ATF7: variants seen among roughly 807,000 people sequenced by gnomAD.
The protein encoded by ATF7 is activating transcription factor 7, also known as cyclic AMP-dependent transcription factor ATF-7.
ATF7 carries 10 observed loss-of-function variants against 50.4 expected under a neutral mutation model. That is an observed-to-expected ratio of 0.20 (90% confidence interval 0.12 to 0.34). The LOEUF is 0.34. Ranked by LOEUF, ATF7 falls within the 10% of genes least tolerant of loss-of-function variation. The probability of loss-of-function intolerance (pLI) is 1.00; values close to 1 mark genes in which losing one functional copy is unlikely to be tolerated. For missense variants in ATF7, 465 were observed against 613.9 expected (o/e 0.76, Z 2.56); for synonymous variants, 201 against 226.4 (o/e 0.89, Z 1.01).
intron 2 of ATF7, among the ~76,000 whole-genome samples, chr12:53,570,729 C>CTGTG (rs1278665964): frequency 8.8e-6 from 1 of 114,074 alleles, no homozygotes; most frequent in East Asian, 3.7e-4. Context: ...TAGTGTTCTC[C>CTGTG]TGTGTGCGTG....
chr12:53,544,519 G>C (rs1330338981), intron 3 of ATF7, among the ~76,000 whole-genome samples: 2 of 152,128 alleles, frequency 1.3e-5, no homozygotes, highest in Non-Finnish European at 2.9e-5. Flanking sequence ...GGCTGAGATG[G>C]GTGTATCACT....
At chr12:53,518,587 T>C (rs1436119863) in intron 11 of ATF7, among the ~76,000 whole-genome samples, 1 of 152,180 alleles carries the variant, frequency 6.6e-6, no homozygotes, top group East Asian at 1.9e-4. Context: ...ACTCCCAAAT[T>C]GCCGGGATTA....
In ATF7 at chr12:53,526,203, G is replaced by A. The variant is rs1167273120; in HGVS notation, c.928-1442C>T. ...AGCCTGGATAACAAGAGTGAAACTC[G>A]GTCTCAAAAAAAAAAAAAAAAAAGT... is the stretch of plus-strand genomic sequence containing the variant. On this transcript the variant is annotated intron_variant, in intron 9 of 11. Coordinates refer to ENST00000420353, the MANE Select transcript of ATF7 (RefSeq NM_006856.3). Among the ~76,000 whole-genome samples the A allele has an allele frequency of 6.8e-5, 9 of 131,594 alleles. No individual in the cohort carries two copies. In the South Asian group the frequency reaches 1.9e-3, roughly 28 times the overall value. The allele number at this position is 131,594 out of a possible 152,430, so 86.3% of individuals were successfully genotyped here. A position where few individuals can be genotyped will look rare whatever the true frequency, so the allele number is the denominator to read the frequency against.
intron 9 of ATF7, among the ~76,000 whole-genome samples, chr12:53,527,644 C>T (rs565221353): frequency 4.6e-5 from 7 of 151,868 alleles, no homozygotes; most frequent in Middle Eastern, 3.4e-3. Context: ...ATCAGCTGGG[C>T]GTGGTGGTGC....
At chr12:53,534,342 TAAA>T (rs35759539) in intron 6 of ATF7, among the ~76,000 whole-genome samples, 157 bp downstream of exon 6, 18,210 of 152,168 alleles carry the variant, frequency 0.12, 1,394 homozygotes, top group Non-Finnish European at 0.17. Flanking sequence ...ATTAAAAAGG[TAAA>T]GAAGATTCTG....
At chr12:53,597,202 C>T (rs1434963438) in intron 2 of ATF7, among the ~76,000 whole-genome samples, 1 of 151,874 alleles carries the variant, frequency 6.6e-6, no homozygotes, top group Non-Finnish European at 1.5e-5. Flanking sequence ...TTTTTAAGCA[C>T]ATGCAGCATA....
chr12:53,616,307 C>A (rs1366990775), intron 1 of ATF7, among the ~76,000 whole-genome samples: 1 of 152,136 alleles, frequency 6.6e-6, no homozygotes, highest in Non-Finnish European at 1.5e-5. Flanking sequence ...ACTGAAACCC[C>A]CGCCTCCCAG....
intron 6 of ATF7, among the ~76,000 whole-genome samples, chr12:53,534,003 C>A (rs1214654115): frequency 3.3e-5 from 5 of 152,238 alleles, no homozygotes; most frequent in Non-Finnish European, 7.3e-5. Flanking sequence ...CCCGGCTGGG[C>A]ACGGTGGCTC....
Position 53,543,464 on chromosome 12 carries a change from A to G in ATF7, c.146-16T>C. The G allele has an allele frequency of 6.4e-7, 1 of 1,556,396 alleles. No individual in the cohort carries two copies. The highest frequency in any genetic ancestry group is 8.7e-7 in the Non-Finnish European group (1 of 1,150,336). On this transcript the variant is annotated splice_polypyrimidine_tract_variant and intron_variant, in intron 3 of 11. Transcript: ENST00000420353. ...GGCGTTTGATCTGTAGACATGAAAG[A>G]AAAGGAAACTGTTTTAGTTTTGATC...
chr12:53,595,128 T>C (rs572445509), intron 2 of ATF7, among the ~76,000 whole-genome samples: 3 of 152,236 alleles, frequency 2.0e-5, no homozygotes, highest in Non-Finnish European at 4.4e-5. Context: ...AGATGAATTA[T>C]TGAATGAAAT....
intron 2 of ATF7, among the ~76,000 whole-genome samples, chr12:53,593,282 C>G (rs985478624): frequency 6.6e-6 from 1 of 152,038 alleles, no homozygotes; most frequent in Admixed American, 6.6e-5. Flanking sequence ...TGGTGTGCAC[C>G]TGTAGTCCCA....
intron 4 of ATF7, 187 bp downstream of exon 4, chr12:53,543,143 T>C (rs1253968092): frequency 2.0e-6 from 3 of 1,485,538 alleles, no homozygotes; most frequent in African/African-American, 2.8e-5. Context: ...TGCTGATCCA[T>C]CATCTGGAAC....
Position 53,513,331 on chromosome 12 carries a change from T to C in ATF7, c.*3806A>G, listed in dbSNP as rs1419786014. 1 of 152,176 alleles carries C rather than the reference T, an allele frequency of 6.6e-6. No homozygotes were observed. The highest frequency in any genetic ancestry group is 1.5e-5 in the Non-Finnish European group (1 of 68,034). The allele number at this position is 152,176 out of a possible 1,614,324, so 9.4% of individuals were successfully genotyped here. ...CCTTGGTATGGGGTGGGGGAATTTA[T>C]GTCTGTATGCACATTTGTGTGTACA... On this transcript the variant is annotated 3_prime_UTR_variant, in exon 12 of 12. Coordinates refer to ENST00000420353, the MANE Select transcript of ATF7 (RefSeq NM_006856.3).
chr12:53,575,826 C>T (rs553744370), intron 2 of ATF7: 3 of 152,496 alleles, frequency 2.0e-5, no homozygotes, highest in African/African-American at 7.3e-5. Flanking sequence ...AGGCAATTCT[C>T]ACTGCATATC....
chr12:53,536,013 C>A (rs1031789070), intron 5 of ATF7, among the ~76,000 whole-genome samples: 1 of 151,390 alleles, frequency 6.6e-6, no homozygotes, highest in Admixed American at 6.6e-5. Flanking sequence ...GCAAGACTTT[C>A]TCTCAAAAGA....
chr12:53,540,451 C>T (rs1939485096), intron 4 of ATF7, among the ~76,000 whole-genome samples: 1 of 151,722 alleles, frequency 6.6e-6, no homozygotes, highest in Non-Finnish European at 1.5e-5. Flanking sequence ...GGGCCAGGCG[C>T]GGTGGCTCAC....
intron 1 of ATF7, among the ~76,000 whole-genome samples, chr12:53,621,788 CAAAAAAAAAAAA>C (rs559780353): frequency 1.2e-5 from 1 of 81,560 alleles, no homozygotes; most frequent in Non-Finnish European, 2.5e-5. Flanking sequence ...GACTCTGTCT[CAAAAAAAAAAAA>C]AAAAAAAAAA....
At chr12:53,540,732 AT>A (rs991828843) in intron 4 of ATF7, among the ~76,000 whole-genome samples, 5 of 151,764 alleles carry the variant, frequency 3.3e-5, no homozygotes, top group Admixed American at 6.6e-5. Flanking sequence ...TCTCAAAAAA[AT>A]AATAATAATA....
rs1937744921 is a variant in ATF7, at chr12:53,517,002, G to C, written c.*135C>G. ...CACATGGCTAAAAAGCCCCATATCT[G>C]TCCATTACTCACAACACACAATTCC... On this transcript the variant is annotated 3_prime_UTR_variant, in exon 12 of 12. Coordinates refer to ENST00000420353, the MANE Select transcript of ATF7 (RefSeq NM_006856.3). The C allele has an allele frequency of 1.0e-6, 1 of 990,388 alleles. No homozygotes were observed. Among genetic ancestry groups the C allele is most frequent in the African/African-American group, 1.6e-5 (1 of 62,832 alleles). 61.4% of individuals were successfully genotyped at this position (990,388 alleles called of 1,614,324 possible). A position where few individuals can be genotyped will look rare whatever the true frequency, so the allele number is the denominator to read the frequency against.
Sources: gnomAD v4.1 joint callset for allele counts (sites outside exome capture counted in the v4.1 genomes callset) on GRCh38, gnomAD v4.1.1 for gene constraint, MANE v1.5 for transcripts, NCBI Gene and HGNC (gene_info 2026-07-23, HGNC 2026-07-21) for gene names.